The following DLGAP1 variants were observed in gnomAD, a reference collection of about 807,000 sequenced individuals.
DLGAP1 encodes the protein disks large-associated protein 1.
A neutral mutation model predicts 90.8 loss-of-function variants in DLGAP1; 11 were observed. The observed-to-expected ratio is 0.12, with a 90% confidence interval of 0.08 to 0.20. DLGAP1 has a LOEUF of 0.20. Ranked by LOEUF, DLGAP1 falls within the 10% of genes least tolerant of loss-of-function variation. The pLI is 1.00. For missense variants in DLGAP1, 1,050 were observed against 1,333.8 expected (o/e 0.79, Z 3.31); for synonymous variants, 558 against 540.7 (o/e 1.03, Z -0.44).
At chr18:4,089,862 G>C (rs554297453) in intron 2 of DLGAP1, among the ~76,000 whole-genome samples, 3 of 152,100 alleles carry the variant, frequency 2.0e-5, no homozygotes, top group Admixed American at 2.0e-4. Context: ...TGGCTAACAC[G>C]GTGAAACCCC....
intron 3 of DLGAP1, among the ~76,000 whole-genome samples, chr18:3,937,194 A>T (rs946874889): frequency 2.0e-5 from 3 of 152,222 alleles, no homozygotes; most frequent in African/African-American, 7.2e-5. Flanking sequence ...CTGCTTGCAT[A>T]ACATGATAAC....
At chr18:3,719,815 G>T (rs1183255747) in intron 7 of DLGAP1, among the ~76,000 whole-genome samples, 2 of 152,026 alleles carry the variant, frequency 1.3e-5, no homozygotes, top group Non-Finnish European at 1.5e-5. Flanking sequence ...TGATTCTCTG[G>T]CCATAATCAA....
chr18:3,691,080 C>G (rs371415293), intron 7 of DLGAP1, among the ~76,000 whole-genome samples: 3 of 152,272 alleles, frequency 2.0e-5, no homozygotes, highest in East Asian at 1.9e-4. Flanking sequence ...GTCTGACTCC[C>G]TTTTTTTCTC....
At chr18:4,153,715 A>G (rs1368622915) in intron 1 of DLGAP1, among the ~76,000 whole-genome samples, 2 of 152,178 alleles carry the variant, frequency 1.3e-5, no homozygotes, top group Non-Finnish European at 2.9e-5. Flanking sequence ...GTTTGATTCA[A>G]TCATGTGCTT....
At chr18:3,765,356 T>A (rs1369599622) in intron 5 of DLGAP1, among the ~76,000 whole-genome samples, 2 of 150,710 alleles carry the variant, frequency 1.3e-5, no homozygotes, top group African/African-American at 4.9e-5. Flanking sequence ...GGTCTCGATC[T>A]CCTGACCTCA....
At chr18:3,595,880 C>CT (rs2056547268) in intron 7 of DLGAP1, among the ~76,000 whole-genome samples, 2 of 152,238 alleles carry the variant, frequency 1.3e-5, no homozygotes, top group Non-Finnish European at 2.9e-5. Context: ...AGACAGAACA[C>CT]TTCCTCTTAG....
chr18:4,278,718 TG>T (rs2079476971), intron 1 of DLGAP1, among the ~76,000 whole-genome samples: 1 of 150,558 alleles, frequency 6.6e-6, no homozygotes, highest in East Asian at 1.9e-4. Flanking sequence ...TGCATGTGTG[TG>T]TGTATATACA....
intron 1 of DLGAP1, among the ~76,000 whole-genome samples, chr18:4,172,551 C>T (rs1378373798): frequency 6.6e-6 from 1 of 152,076 alleles, no homozygotes; most frequent in Non-Finnish European, 1.5e-5. Context: ...CCAGTTATTT[C>T]AAAGCTGATC....
At chr18:3,570,118 C>T (rs588440) in intron 8 of DLGAP1, among the ~76,000 whole-genome samples, 76,848 of 151,560 alleles carry the variant, frequency 0.51, 20,538 homozygotes, top group East Asian at 0.99. Context: ...CTCTACCTCC[C>T]AGGTTTGTGT....
intron 2 of DLGAP1, among the ~76,000 whole-genome samples, chr18:4,087,033 A>ATATAT (rs1383107420): frequency 8.2e-6 from 1 of 122,476 alleles, no homozygotes; most frequent in South Asian, 2.4e-4. Flanking sequence ...TCTGAGATAT[A>ATATAT]TATATATACA....
rs181858679 is a variant in DLGAP1, at chr18:3,903,358, C to T, written c.-72-23218G>A. On this transcript the variant is annotated intron_variant, in intron 3 of 12. Transcript: ENST00000315677. ...CTCCTTTTAATAAAGGATATGCAAT[C>T]GTATTTTTAAAAATATTTTTCAAAA... is the stretch of plus-strand genomic sequence containing the variant. 3.1e-3 allele frequency among the ~76,000 whole-genome samples: 478 copies of T among 152,222 alleles called. 3 individuals are homozygous for T. Among genetic ancestry groups the T allele is most frequent in the Admixed American group, 5.6e-3 (86 of 15,296 alleles).
intron 1 of DLGAP1, among the ~76,000 whole-genome samples, chr18:4,216,192 GAAGCTGGAGAAAAGCCCCTTAGA>G (rs2077951267): frequency 6.6e-6 from 1 of 152,020 alleles, no homozygotes; most frequent in South Asian, 2.1e-4. Flanking sequence ...AGTGCAGAGT[GAAGCTGGAGAAAAGCCCCTTAGA>G]AGACCATCAG....
intron 1 of DLGAP1, among the ~76,000 whole-genome samples, chr18:4,407,404 T>C (rs1411758517): frequency 2.6e-5 from 4 of 152,186 alleles, no homozygotes; most frequent in Non-Finnish European, 5.9e-5. Context: ...ATGTAAACTT[T>C]CTGGATTTAG....
chr18:4,120,849 C>T (rs942535489), intron 2 of DLGAP1, among the ~76,000 whole-genome samples: 1 of 151,312 alleles, frequency 6.6e-6, no homozygotes, highest in Admixed American at 6.6e-5. Context: ...AAATATTTAC[C>T]GAATGCCTAC....
chr18:3,821,630 C>T (rs140709098), intron 4 of DLGAP1, among the ~76,000 whole-genome samples: 5 of 152,102 alleles, frequency 3.3e-5, no homozygotes, highest in African/African-American at 1.2e-4. Context: ...TGGTCTGGGG[C>T]TGCCTTACCA....
At chr18:4,203,824 T>C (rs910588034) in intron 1 of DLGAP1, among the ~76,000 whole-genome samples, 9 of 152,146 alleles carry the variant, frequency 5.9e-5, no homozygotes, top group African/African-American at 2.2e-4. Context: ...CTCAGTAAGT[T>C]CAGTAATAAA....
intron 4 of DLGAP1, among the ~76,000 whole-genome samples, chr18:3,826,944 T>A (rs2067750306): frequency 6.6e-6 from 1 of 152,002 alleles, no homozygotes; most frequent in Non-Finnish European, 1.5e-5. Flanking sequence ...GATCTGGATG[T>A]GTGGACTGAG....
chr18:3,561,827 C>T (rs969316240), intron 9 of DLGAP1, among the ~76,000 whole-genome samples: 1 of 150,730 alleles, frequency 6.6e-6, no homozygotes, highest in African/African-American at 2.5e-5. Context: ...CCTGATACTG[C>T]GCAATTTACA....
chr18:3,848,103 G>T (rs1244261603), intron 4 of DLGAP1, among the ~76,000 whole-genome samples: 1 of 116,286 alleles, frequency 8.6e-6, no homozygotes, highest in East Asian at 3.0e-4. Context: ...ACTCCAGCCT[G>T]GATGATGGAG....
Sources: allele counts gnomAD v4.1 joint callset (sites outside exome capture counted in the v4.1 genomes callset), GRCh38; gene constraint gnomAD v4.1.1; transcripts MANE v1.5; gene names NCBI Gene and HGNC (gene_info 2026-07-23, HGNC 2026-07-21).